The following INPP5A variants were observed in gnomAD, a reference collection of about 807,000 sequenced individuals.
The protein encoded by INPP5A is inositol polyphosphate-5-phosphatase A.
INPP5A carries 14 observed loss-of-function variants against 65.2 expected under a neutral mutation model. The ratio of observed to expected loss-of-function variants is 0.21; its 90% CI spans 0.14 to 0.34. The LOEUF (loss-of-function observed/expected upper bound fraction) is 0.34. Ranked by LOEUF, INPP5A falls within the 10% of genes least tolerant of loss-of-function variation. INPP5A has a pLI of 1.00. For synonymous variants in INPP5A, 207 were observed against 208.3 expected (o/e 0.99, Z 0.05); for missense variants, 431 against 545.6 (o/e 0.79, Z 2.09).
intron 2 of INPP5A, among the ~76,000 whole-genome samples, chr10:132,610,638 C>T (rs2071931839): frequency 6.6e-6 from 1 of 152,240 alleles, no homozygotes; most frequent in South Asian, 2.1e-4. Context: ...CCTATGCTGG[C>T]CAGCGTGGGG....
At chr10:132,767,342 G>GCGA (rs1846866330) in intron 12 of INPP5A, among the ~76,000 whole-genome samples, 1 of 14,338 alleles carries the variant, frequency 7.0e-5, no homozygotes, top group Admixed American at 1.2e-3. Flanking sequence ...GCTGGAGGAT[G>GCGA]TGTCCTCAGC....
intron 12 of INPP5A, among the ~76,000 whole-genome samples, chr10:132,768,626 G>A (rs1846896827): frequency 6.6e-6 from 1 of 152,206 alleles, no homozygotes; most frequent in African/African-American, 2.4e-5. Flanking sequence ...CTTTCCTGAA[G>A]GCTGCCAGGG....
chr10:132,755,382 G>A (rs1054107027), intron 11 of INPP5A, among the ~76,000 whole-genome samples: 49 of 149,946 alleles, frequency 3.3e-4, no homozygotes, highest in South Asian at 8.6e-4. Context: ...GGGAGTGTGC[G>A]TGAGAGCAGG....
At chr10:132,708,388 C>G in intron 7 of INPP5A, 23 bp downstream of exon 7, 10 of 1,609,308 alleles carry the variant, frequency 6.2e-6, no homozygotes, top group Non-Finnish European at 8.5e-6. Context: ...TGTGCTTTGT[C>G]AATTTCCATA....
In INPP5A at chr10:132,691,748, G is replaced by A. The variant is rs61862806; in HGVS notation, c.370+1293G>A. Among the ~76,000 whole-genome samples the A allele has an allele frequency of 9.2e-3, 1,403 of 152,338 alleles. 11 individuals are homozygous for A. Among genetic ancestry groups the A allele is most frequent in the Non-Finnish European group, 0.015 (1,022 of 68,046 alleles). On this transcript the variant is annotated intron_variant, in intron 5 of 15. Coordinates refer to ENST00000368594, the MANE Select transcript of INPP5A (RefSeq NM_005539.5). ...CGAGCATGTCCTGAGCACGTGGTGC[G>A]TCAGGAAGGCATGCAGACACAGGAG...
intron 8 of INPP5A, among the ~76,000 whole-genome samples, chr10:132,726,257 T>G (rs1201975776): frequency 6.6e-6 from 1 of 152,112 alleles, no homozygotes; most frequent in Non-Finnish European, 1.5e-5. Flanking sequence ...CGAGTGGAGA[T>G]CATATGTAAA....
intron 5 of INPP5A, among the ~76,000 whole-genome samples, chr10:132,691,905 G>A (rs1490575001): frequency 2.0e-5 from 3 of 151,996 alleles, no homozygotes; most frequent in Non-Finnish European, 2.9e-5. Context: ...ATGCGGTCGC[G>A]GGAGACGTGT....
chr10:132,633,763 G>T (rs911199827), intron 2 of INPP5A, among the ~76,000 whole-genome samples: 1 of 152,226 alleles, frequency 6.6e-6, no homozygotes, highest in Non-Finnish European at 1.5e-5. Context: ...GGTGTTGCTG[G>T]CTGGAGGGAA....
At chr10:132,752,519 G>A (rs1273163717) in intron 11 of INPP5A, among the ~76,000 whole-genome samples, 14 of 141,696 alleles carry the variant, frequency 9.9e-5, no homozygotes, top group Non-Finnish European at 1.8e-4. Context: ...GGGGCGTGGC[G>A]TGGAGGAGGT....
chr10:132,731,176 C>T (rs756243092), intron 9 of INPP5A, among the ~76,000 whole-genome samples: 3 of 152,202 alleles, frequency 2.0e-5, no homozygotes, highest in Non-Finnish European at 4.4e-5. Context: ...AGAGTCAGGC[C>T]TGGGTTCCCC....
intron 2 of INPP5A, among the ~76,000 whole-genome samples, chr10:132,643,865 G>T (rs536238433): frequency 1.3e-5 from 2 of 152,088 alleles, no homozygotes; most frequent in African/African-American, 2.4e-5. Flanking sequence ...CCACTCACAG[G>T]GGGTCGTGGA....
At chr10:132,673,077 C>T (rs748298050) in intron 4 of INPP5A, among the ~76,000 whole-genome samples, 11 of 152,216 alleles carry the variant, frequency 7.2e-5, no homozygotes, top group African/African-American at 1.4e-4. Flanking sequence ...TCCTTAGCTT[C>T]GTTGCAGAGT....
chr10:132,667,482 A>G (rs2072821229), intron 4 of INPP5A, among the ~76,000 whole-genome samples: 1 of 152,200 alleles, frequency 6.6e-6, no homozygotes, highest in African/African-American at 2.4e-5. Flanking sequence ...GAAATTGGAT[A>G]GGCATGCTGG....
chr10:132,781,039 C>T (rs900218798), intron 14 of INPP5A, 122 bp downstream of exon 14: 3 of 709,224 alleles, frequency 4.2e-6, no homozygotes, highest in African/African-American at 1.7e-5. Flanking sequence ...GGGGGTTGGC[C>T]AGTCTCTCCT....
intron 8 of INPP5A, among the ~76,000 whole-genome samples, chr10:132,715,226 G>C (rs1845719723): frequency 6.6e-6 from 1 of 152,218 alleles, no homozygotes. Context: ...TTTCCCATAA[G>C]TGACGGGACT....
chr10:132,660,058 G>A (rs1000489690), intron 4 of INPP5A, among the ~76,000 whole-genome samples: 28 of 152,364 alleles, frequency 1.8e-4, no homozygotes, highest in Middle Eastern at 3.4e-3. Flanking sequence ...CGTGGCCCAC[G>A]GCACGTTCTG....
rs531239897 is a variant in INPP5A at position 132,718,646 on chromosome 10, C to T, written c.648-8175C>T. 2.4e-3 allele frequency among the ~76,000 whole-genome samples: 352 copies of T among 144,342 alleles called. 5 individuals are homozygous for T. The highest frequency in any genetic ancestry group is 8.8e-3 in the African/African-American group (341 of 38,608). The allele number at this position is 144,342 out of a possible 152,430, so 94.7% of individuals were successfully genotyped here. A position where few individuals can be genotyped will look rare whatever the true frequency, so the allele number is the denominator to read the frequency against. Reference sequence around the variant, plus strand: ...CTGTGGTGCCTGGTTTCTGTCTGGGCGCCTTAGATGCTGTCTTCAGGGTTC... The same window carrying T: ...CTGTGGTGCCTGGTTTCTGTCTGGGTGCCTTAGATGCTGTCTTCAGGGTTC... On this transcript the variant is annotated intron_variant, in intron 8 of 15. Coordinates refer to ENST00000368594, the MANE Select transcript of INPP5A (RefSeq NM_005539.5).
intron 9 of INPP5A, among the ~76,000 whole-genome samples, chr10:132,745,974 C>A (rs934341889): frequency 2.9e-4 from 43 of 146,824 alleles, no homozygotes; most frequent in African/African-American, 1.0e-3. Context: ...ATGCTGCCCA[C>A]CCAGCCTCGC....
At chr10:132,541,013 CAG>C (rs763065179) in intron 1 of INPP5A, among the ~76,000 whole-genome samples, 39 of 146,276 alleles carry the variant, frequency 2.7e-4, no homozygotes, top group Non-Finnish European at 5.8e-4. Context: ...TTGTTTTAGA[CAG>C]GGTCTCATTC....
Sources: gnomAD v4.1 joint callset for allele counts (sites outside exome capture counted in the v4.1 genomes callset) on GRCh38, gnomAD v4.1.1 for gene constraint, MANE v1.5 for transcripts, NCBI Gene and HGNC (gene_info 2026-07-23, HGNC 2026-07-21) for gene names.